The following APBB2 variants were observed in gnomAD, a reference collection of about 807,000 sequenced individuals.
APBB2 encodes Fe65-like 1.
APBB2 carries 38 observed loss-of-function variants against 82.5 expected under a neutral mutation model. The observed-to-expected ratio is 0.46, with a 90% CI of 0.36 to 0.60. APBB2 has a LOEUF of 0.60. Among genes scored for constraint, APBB2 ranks in the 20% least tolerant of loss-of-function variants. APBB2 has a pLI of 0.00. For missense variants in APBB2, 772 were observed against 972.3 expected (o/e 0.79, Z 2.74); for synonymous variants, 341 against 368.2 (o/e 0.93, Z 0.85).
rs1744738458 is a variant in APBB2 at position 40,813,068 on chromosome 4, G to T, written c.*3024C>A. ...TGCCAAGGAGCAGATGTATGAGGTG[G>T]CAAGTCTGTGTCTATCTAGCTGCTT... On this transcript the variant is annotated 3_prime_UTR_variant, in exon 18 of 18. Coordinates refer to ENST00000508593, the MANE Select transcript of APBB2 (RefSeq NM_004307.2). 1 of 152,196 alleles carries T rather than the reference G, an allele frequency of 6.6e-6. No individual in the cohort carries two copies. Among genetic ancestry groups the T allele is most frequent in the Non-Finnish European group, 1.5e-5 (1 of 68,036 alleles). 9.4% of individuals were successfully genotyped at this position (152,196 alleles called of 1,614,324 possible).
At chr4:41,051,923 G>A (rs1239049669) in intron 4 of APBB2, among the ~76,000 whole-genome samples, 1 of 152,214 alleles carries the variant, frequency 6.6e-6, no homozygotes, top group African/African-American at 2.4e-5. Flanking sequence ...TGGAGATAAT[G>A]AGAATATCTA....
intron 5 of APBB2, among the ~76,000 whole-genome samples, chr4:41,017,827 A>AT (rs750007246): frequency 4.6e-5 from 7 of 152,194 alleles, no homozygotes; most frequent in Non-Finnish European, 5.9e-5. Flanking sequence ...GTCTATGAGG[A>AT]TTTAATTATG....
chr4:40,975,298 G>C (rs1409886927), intron 6 of APBB2, among the ~76,000 whole-genome samples: 1 of 152,164 alleles, frequency 6.6e-6, no homozygotes, highest in Admixed American at 6.5e-5. Context: ...TGAATTGAAC[G>C]TGTTCCAGTA....
chr4:41,028,552 G>C (rs1338927220), intron 5 of APBB2, among the ~76,000 whole-genome samples: 2 of 152,202 alleles, frequency 1.3e-5, no homozygotes, highest in South Asian at 2.1e-4. Flanking sequence ...AAGAGACAGA[G>C]AGAAAATGTG....
intron 6 of APBB2, among the ~76,000 whole-genome samples, chr4:40,985,891 C>T (rs1800289668): frequency 6.6e-6 from 1 of 152,136 alleles, no homozygotes; most frequent in African/African-American, 2.4e-5. Context: ...GCAAGAAAAA[C>T]ATCACTGATA....
At chr4:40,925,162 C>T (rs1435567937) in intron 10 of APBB2, among the ~76,000 whole-genome samples, 2 of 152,322 alleles carry the variant, frequency 1.3e-5, no homozygotes, top group South Asian at 4.1e-4. Flanking sequence ...TGGTACAGTG[C>T]ATTGAATTTG....
At chr4:40,987,202 C>T (rs1800626949) in intron 6 of APBB2, among the ~76,000 whole-genome samples, 2 of 146,568 alleles carry the variant, frequency 1.4e-5, no homozygotes, top group Admixed American at 7.0e-5. Context: ...CAAAGTTAAA[C>T]AATATGATAC....
chr4:40,957,583 T>TC (rs1315828624), intron 6 of APBB2, among the ~76,000 whole-genome samples: 2 of 75,904 alleles, frequency 2.6e-5, no homozygotes, highest in Non-Finnish European at 2.7e-5. Flanking sequence ...CACCTCATAT[T>TC]CCTTTTTTTT....
At chr4:40,828,093 T>A (rs1750573252) in intron 13 of APBB2, among the ~76,000 whole-genome samples, 1 of 152,220 alleles carries the variant, frequency 6.6e-6, no homozygotes, top group East Asian at 1.9e-4. Context: ...ACCAGCCACA[T>A]GGAACTGTGA....
intron 10 of APBB2, among the ~76,000 whole-genome samples, chr4:40,925,608 A>C (rs1308206546): frequency 1.3e-5 from 2 of 152,248 alleles, no homozygotes; most frequent in African/African-American, 4.8e-5. Flanking sequence ...TTCCACACAG[A>C]TCAGGATTTC....
At chr4:41,178,214 T>C (rs773326621) in intron 1 of APBB2, among the ~76,000 whole-genome samples, 5 of 152,132 alleles carry the variant, frequency 3.3e-5, no homozygotes, top group Non-Finnish European at 5.9e-5. Flanking sequence ...AAGAAAAATA[T>C]ACATATATAC....
chr4:41,153,614 G>A (rs1466821915), intron 1 of APBB2, among the ~76,000 whole-genome samples: 1 of 152,134 alleles, frequency 6.6e-6, no homozygotes, highest in African/African-American at 2.4e-5. Context: ...TCAAGGCCAA[G>A]TCAAGATAAA....
At chr4:40,843,746 T>C (rs1360021718) in intron 12 of APBB2, among the ~76,000 whole-genome samples, 1 of 152,230 alleles carries the variant, frequency 6.6e-6, no homozygotes, top group Non-Finnish European at 1.5e-5. Context: ...TTACCCTTTA[T>C]TGAGCTCTGT....
intron 17 of APBB2, among the ~76,000 whole-genome samples, chr4:40,817,821 C>T (rs1229306034): frequency 6.6e-6 from 1 of 152,152 alleles, no homozygotes; most frequent in African/African-American, 2.4e-5. Context: ...CCTTTCAAAT[C>T]AATCATATGA....
chr4:41,051,099 G>T (rs1425414165), intron 4 of APBB2, among the ~76,000 whole-genome samples: 1 of 152,180 alleles, frequency 6.6e-6, no homozygotes, highest in Non-Finnish European at 1.5e-5. Flanking sequence ...AAGGAAAGCG[G>T]AAGTCAGGAA....
chr4:41,159,501 G>A (rs925776199), intron 1 of APBB2, among the ~76,000 whole-genome samples: 9 of 152,060 alleles, frequency 5.9e-5, no homozygotes, highest in Non-Finnish European at 1.0e-4. Flanking sequence ...AAACTGAAAT[G>A]GAAAAAGGTA....
intron 6 of APBB2, among the ~76,000 whole-genome samples, chr4:40,982,748 G>A (rs1019482426): frequency 6.6e-5 from 10 of 151,366 alleles, no homozygotes; most frequent in Admixed American, 1.3e-4. Context: ...CTGTGATCAC[G>A]CCACTGCACA....
In APBB2 at chr4:40,854,854, G is replaced by A. The variant is rs114714703; in HGVS notation, c.1530-24277C>T. On this transcript the variant is annotated intron_variant, in intron 12 of 17. Transcript: ENST00000508593. ...CATTTCCTAGGGGGGCTGTCCAAGA[G>A]GAAAGCTGTATAGGTGAGACAAGGA... is the stretch of plus-strand genomic sequence containing the variant. 7.3e-3 allele frequency among the ~76,000 whole-genome samples: 1,113 copies of A among 151,630 alleles called. 13 individuals carry two copies. The highest frequency in any genetic ancestry group is 0.026 in the African/African-American group (1,079 of 41,260).
At chr4:40,906,760 A>G (rs1776872596) in intron 10 of APBB2, among the ~76,000 whole-genome samples, 3 of 152,276 alleles carry the variant, frequency 2.0e-5, no homozygotes, top group African/African-American at 4.8e-5. Flanking sequence ...CAATCTTCTG[A>G]CCCAAAGTGA....
Sources: gnomAD v4.1 joint callset for allele counts (sites outside exome capture counted in the v4.1 genomes callset) on GRCh38, gnomAD v4.1.1 for gene constraint, MANE v1.5 for transcripts, NCBI Gene and HGNC (gene_info 2026-07-23, HGNC 2026-07-21) for gene names.